Variants in CLCN3 observed in about 807,000 individuals in gnomAD.
CLCN3 encodes the protein H(+)/Cl(-) exchange transporter 3.
Under a neutral mutation model 83.4 loss-of-function variants are expected in CLCN3, and 16 were observed. That is an observed-to-expected ratio of 0.19 (90% CI 0.13 to 0.29). The LOEUF (loss-of-function observed/expected upper bound fraction) is 0.29. Among genes scored for constraint, CLCN3 ranks in the 10% least tolerant of loss-of-function variants. CLCN3 has a pLI of 1.00. For missense variants in CLCN3, 544 were observed against 1,006.0 expected, an observed-to-expected ratio of 0.54 and a Z score of 6.21; for synonymous variants, 322 against 346.2, an observed-to-expected ratio of 0.93 and a Z score of 0.78.
intron 9 of CLCN3, 28 bp downstream of exon 9, chr4:169,697,762 G>T: frequency 6.6e-7 from 1 of 1,504,974 alleles, no homozygotes; most frequent in Non-Finnish European, 9.0e-7. Flanking sequence ...GTGATATTTG[G>T]GTAATTTTGG....
intron 2 of CLCN3, among the ~76,000 whole-genome samples, chr4:169,674,090 C>A (rs1436248714): frequency 1.3e-5 from 2 of 152,164 alleles, no homozygotes; most frequent in Non-Finnish European, 2.9e-5. Context: ...CCCACTGTGT[C>A]CTTTAGTACA....
chr4:169,627,838 C>T (rs1397388188), intron 1 of CLCN3, among the ~76,000 whole-genome samples: 1 of 152,016 alleles, frequency 6.6e-6, no homozygotes, highest in Non-Finnish European at 1.5e-5. Flanking sequence ...CTAAAATTTA[C>T]ATGAAAAGGC....
chr4:169,690,933 G>T (rs1560861358), intron 6 of CLCN3, among the ~76,000 whole-genome samples: 1 of 151,880 alleles, frequency 6.6e-6, no homozygotes, highest in Non-Finnish European at 1.5e-5. Flanking sequence ...AACATCAAGA[G>T]CCTGGAAGAA....
At chr4:169,691,189 T>G (rs10213390) in intron 6 of CLCN3, among the ~76,000 whole-genome samples, 25,060 of 151,840 alleles carry the variant, frequency 0.17, 3,342 homozygotes, top group African/African-American at 0.38. Flanking sequence ...TTGTTTGTTT[T>G]TTTTTTTTAG....
intron 10 of CLCN3, among the ~76,000 whole-genome samples, chr4:169,705,347 G>A (rs1304680949): frequency 1.3e-5 from 2 of 152,184 alleles, no homozygotes; most frequent in East Asian, 1.9e-4. Flanking sequence ...AGAAGGAACA[G>A]ATTATGAAAA....
chr4:169,718,148 A>G (rs775519578), intron 12 of CLCN3, among the ~76,000 whole-genome samples: 10 of 152,182 alleles, frequency 6.6e-5, no homozygotes, highest in Admixed American at 1.3e-4. Flanking sequence ...AGTGAATATT[A>G]TTGGACATTC....
chr4:169,714,288 T>TG (rs945323496), intron 12 of CLCN3, among the ~76,000 whole-genome samples: 2 of 149,712 alleles, frequency 1.3e-5, no homozygotes, highest in African/African-American at 2.4e-5. Flanking sequence ...TTTTTGTTGT[T>TG]TTTTTTTTTT....
At position 169,720,302 on chromosome 4, in the gene CLCN3, G is replaced by A; in HGVS notation, c.*305G>A. On this transcript the variant is annotated 3_prime_UTR_variant, in exon 13 of 13. Transcript: ENST00000513761. ...GCTGAGGATGTGCCTGATAGTGCAG[G>A]CTTGCGCCTCAACAGAGATGACAGC... The A allele has an allele frequency of 2.5e-6, 1 of 406,454 alleles. No homozygotes were observed. Among genetic ancestry groups the A allele is most frequent in the Non-Finnish European group, 4.4e-6 (1 of 228,522 alleles). 25.2% of individuals were successfully genotyped at this position (406,454 alleles called of 1,614,324 possible). A position where few individuals can be genotyped will look rare whatever the true frequency, so the allele number is the denominator to read the frequency against.
chr4:169,694,796 G>T (rs946172437), intron 7 of CLCN3, among the ~76,000 whole-genome samples: 2 of 152,090 alleles, frequency 1.3e-5, no homozygotes, highest in African/African-American at 4.8e-5. Flanking sequence ...CTGAGACGAC[G>T]CCATTGCACT....
intron 4 of CLCN3, among the ~76,000 whole-genome samples, chr4:169,688,070 T>C (rs192364069): frequency 1.1e-3 from 161 of 152,342 alleles, no homozygotes; most frequent in African/African-American, 3.8e-3. Flanking sequence ...ATAGCTAATA[T>C]TTCTTGAGTG....
chr4:169,679,925 G>A, intron 2 of CLCN3, 125 bp from the exon 3 acceptor site: 1 of 719,718 alleles, frequency 1.4e-6, no homozygotes, highest in Non-Finnish European at 2.4e-6. Context: ...GAAAGCGGGA[G>A]GTGGAGACGA....
Position 169,669,080 on chromosome 4 carries a change from G to C in CLCN3, c.161-10970G>C, listed in dbSNP as rs559089581. 1.7e-3 allele frequency among the ~76,000 whole-genome samples: 258 copies of C among 152,244 alleles called. 1 individual carries two copies. The highest frequency in any genetic ancestry group is 5.8e-3 in the African/African-American group (242 of 41,552). ...AGAAGGGGAAGGAGATACCAAGTGG[G>C]CAAAACAATCAGGTTCTATTACATA... On this transcript the variant is annotated intron_variant, in intron 2 of 12. Coordinates refer to ENST00000513761, the MANE Select transcript of CLCN3 (RefSeq NM_001829.4).
intron 11 of CLCN3, among the ~76,000 whole-genome samples, chr4:169,711,867 A>AT (rs904113975): frequency 4.9e-4 from 74 of 151,610 alleles, no homozygotes; most frequent in African/African-American, 1.8e-3. Context: ...CAAAAAATAT[A>AT]TTTTTTTTTC....
chr4:169,629,141 C>T (rs912148845), intron 1 of CLCN3, among the ~76,000 whole-genome samples: 6 of 152,124 alleles, frequency 3.9e-5, no homozygotes, highest in Non-Finnish European at 5.9e-5. Flanking sequence ...GGCCATAAAA[C>T]GGCAACATGA....
chr4:169,685,542 A>G (rs2150244572), intron 3 of CLCN3, among the ~76,000 whole-genome samples: 1 of 152,110 alleles, frequency 6.6e-6, no homozygotes, highest in South Asian at 2.1e-4. Context: ...CATTCTTTTT[A>G]ATTGCTGCAG....
intron 11 of CLCN3, among the ~76,000 whole-genome samples, chr4:169,712,073 G>A (rs1048429992): frequency 2.8e-5 from 4 of 144,872 alleles, no homozygotes; most frequent in Non-Finnish European, 4.5e-5. Flanking sequence ...ATGTTGCCAA[G>A]GCTGGTCTTG....
intron 11 of CLCN3, among the ~76,000 whole-genome samples, chr4:169,710,203 GT>G (rs749562742): frequency 6.6e-6 from 1 of 152,150 alleles, no homozygotes; most frequent in Non-Finnish European, 1.5e-5. Flanking sequence ...GATTTTTTGT[GT>G]GTGTGGGGAG....
intron 12 of CLCN3, among the ~76,000 whole-genome samples, chr4:169,718,649 G>T (rs754725353): frequency 1.3e-5 from 2 of 152,144 alleles, no homozygotes; most frequent in Non-Finnish European, 2.9e-5. Context: ...CATAAAAAAT[G>T]TCTGGCTTTA....
chr4:169,699,690 T>C (rs2150258467), intron 9 of CLCN3, among the ~76,000 whole-genome samples: 1 of 152,224 alleles, frequency 6.6e-6, no homozygotes, highest in Middle Eastern at 3.4e-3. Flanking sequence ...GAGACCATCC[T>C]GGCTAATGCG....
Sources: allele counts gnomAD v4.1 joint callset (sites outside exome capture counted in the v4.1 genomes callset), GRCh38; gene constraint gnomAD v4.1.1; transcripts MANE v1.5; gene names NCBI Gene and HGNC (gene_info 2026-07-23, HGNC 2026-07-21).